ADD3: variants seen among roughly 807,000 people sequenced by gnomAD.
The protein encoded by ADD3 is gamma-adducin.
ADD3 carries 25 observed loss-of-function variants against 80.2 expected under a neutral mutation model. The observed-to-expected ratio is 0.31, with a 90% CI of 0.23 to 0.44. ADD3 has a LOEUF of 0.44. ADD3 is among the 20% of genes least tolerant of loss of function. The probability of loss-of-function intolerance (pLI) is 1.00; values close to 1 mark genes in which losing one functional copy is unlikely to be tolerated. For synonymous variants in ADD3, 284 were observed against 289.6 expected, an observed-to-expected ratio of 0.98 and a Z score of 0.20; for missense variants, 829 against 847.5, an observed-to-expected ratio of 0.98 and a Z score of 0.27.
chr10:110,051,256 GGATGTGACA>G (rs1857485014), intron 1 of ADD3, among the ~76,000 whole-genome samples: 1 of 152,108 alleles, frequency 6.6e-6, no homozygotes, highest in African/African-American at 2.4e-5. Flanking sequence ...ATGATTTCTT[GGATGTGACA>G]CCAAAAAACA....
chr10:110,090,131 T>G (rs1252945891), intron 1 of ADD3, among the ~76,000 whole-genome samples: 1 of 148,230 alleles, frequency 6.7e-6, no homozygotes. Flanking sequence ...GAGGTTAGAC[T>G]GATCCTCAGC....
At chr10:110,010,554 A>G (rs1320199338) in intron 1 of ADD3, among the ~76,000 whole-genome samples, 2 of 152,184 alleles carry the variant, frequency 1.3e-5, no homozygotes, top group African/African-American at 4.8e-5. Flanking sequence ...GTAAAGTGAC[A>G]TATCTTTTTG....
intron 8 of ADD3, among the ~76,000 whole-genome samples, chr10:110,121,397 C>T (rs1851475571): frequency 6.6e-6 from 1 of 152,118 alleles, no homozygotes; most frequent in African/African-American, 2.4e-5. Context: ...GCGGGAGAAT[C>T]GCTTGAACCC....
chr10:110,111,619 A>T (rs1215230909), intron 2 of ADD3, among the ~76,000 whole-genome samples: 1 of 152,208 alleles, frequency 6.6e-6, no homozygotes, highest in Non-Finnish European at 1.5e-5. Context: ...ACGTTCCATT[A>T]AAAAACTGTC....
chr10:110,086,310 T>C (rs1350955723), intron 1 of ADD3, among the ~76,000 whole-genome samples: 2 of 151,706 alleles, frequency 1.3e-5, no homozygotes, highest in Admixed American at 6.6e-5. Flanking sequence ...CTCAGGAGGC[T>C]GAGGCAGGAG....
At chr10:110,125,627 CATTT>C in intron 10 of ADD3, 195 bp from the exon 11 acceptor site, 2 of 361,756 alleles carry the variant, frequency 5.5e-6, no homozygotes, top group Non-Finnish European at 5.0e-6. Flanking sequence ...ATCGTAATGG[CATTT>C]ATTTTTTAAG....
intron 1 of ADD3, among the ~76,000 whole-genome samples, chr10:110,043,562 C>G (rs1856600691): frequency 6.6e-6 from 1 of 152,114 alleles, no homozygotes; most frequent in African/African-American, 2.4e-5. Context: ...AGAGGGATCA[C>G]TATTGGAGCC....
chr10:110,112,320 A>T (rs967857511), intron 2 of ADD3: 1 of 153,378 alleles, frequency 6.5e-6, no homozygotes, highest in Non-Finnish European at 1.5e-5. Flanking sequence ...AGGATTCTCC[A>T]TGTTGGTCAA....
At position 110,033,495 on chromosome 10, in the gene ADD3, A is replaced by G. The variant is rs202107893; in HGVS notation, c.-30+25196A>G. Among the ~76,000 whole-genome samples, 27 of 152,350 alleles carry G rather than the reference A, an allele frequency of 1.8e-4. No homozygotes were observed. In the East Asian group the frequency reaches 5.2e-3, roughly 29 times the overall value. ...GTGTTCCATGTAAAATGCAGGGTAC[A>G]GGGATATTTTGCCAAGTGCTGGTTT... On this transcript the variant is annotated intron_variant, in intron 1 of 14. Coordinates refer to ENST00000356080, the MANE Select transcript of ADD3 (RefSeq NM_016824.5).
chr10:110,051,581 T>G (rs1436954182), intron 1 of ADD3, among the ~76,000 whole-genome samples: 2 of 152,194 alleles, frequency 1.3e-5, no homozygotes, highest in Admixed American at 1.3e-4. Flanking sequence ...TAAAAATAAG[T>G]TAGATGGCTC....
chr10:110,035,937 G>T (rs563940408), intron 1 of ADD3, among the ~76,000 whole-genome samples: 1 of 152,224 alleles, frequency 6.6e-6, no homozygotes, highest in South Asian at 2.1e-4. Context: ...GATCACCTGA[G>T]GTCAGGAGTT....
chr10:110,013,096 T>C (rs913373426), intron 1 of ADD3, among the ~76,000 whole-genome samples: 4 of 152,138 alleles, frequency 2.6e-5, no homozygotes, highest in Non-Finnish European at 4.4e-5. Context: ...TTTTGGATTT[T>C]TAGGTTTTTG....
chr10:110,113,764 A>C (rs1318188135), intron 3 of ADD3, among the ~76,000 whole-genome samples: 1 of 152,210 alleles, frequency 6.6e-6, no homozygotes, highest in African/African-American at 2.4e-5. Flanking sequence ...TATTATTAAC[A>C]AAAATAGAAT....
intron 1 of ADD3, among the ~76,000 whole-genome samples, chr10:110,080,039 G>A (rs1267362159): frequency 1.3e-5 from 2 of 152,130 alleles, no homozygotes; most frequent in Non-Finnish European, 2.9e-5. Flanking sequence ...CTATAGGGAA[G>A]GTATAATAGT....
intron 1 of ADD3, among the ~76,000 whole-genome samples, chr10:110,054,922 T>C (rs563167415): frequency 1.8e-4 from 28 of 151,892 alleles, no homozygotes; most frequent in African/African-American, 6.8e-4. Context: ...CCTCCATGCC[T>C]GGCAAACTTT....
At chr10:110,129,931 T>C (rs1852728201) in intron 12 of ADD3, among the ~76,000 whole-genome samples, 1 of 152,218 alleles carries the variant, frequency 6.6e-6, no homozygotes, top group African/African-American at 2.4e-5. Flanking sequence ...ATTATTTCCT[T>C]TCCTGGAGAA....
chr10:110,047,298 A>C (rs1486574584), intron 1 of ADD3, among the ~76,000 whole-genome samples: 1 of 152,240 alleles, frequency 6.6e-6, no homozygotes, highest in African/African-American at 2.4e-5. Flanking sequence ...CAACAGTCTG[A>C]GTAATATTAG....
chr10:110,019,157 A>T (rs547580733), intron 1 of ADD3, among the ~76,000 whole-genome samples: 2 of 152,126 alleles, frequency 1.3e-5, no homozygotes, highest in African/African-American at 4.8e-5. Flanking sequence ...TATGTGGATG[A>T]TGGATGGATG....
At chr10:110,088,362 C>G (rs1847071684) in intron 1 of ADD3, among the ~76,000 whole-genome samples, 1 of 152,164 alleles carries the variant, frequency 6.6e-6, no homozygotes, top group South Asian at 2.1e-4. Context: ...ATAAAAATCT[C>G]TTTTTGTGAA....
Sources: allele counts gnomAD v4.1 joint callset (sites outside exome capture counted in the v4.1 genomes callset), GRCh38; gene constraint gnomAD v4.1.1; transcripts MANE v1.5; gene names NCBI Gene and HGNC (gene_info 2026-07-23, HGNC 2026-07-21).